Variants in TYW1 observed in about 807,000 individuals in gnomAD.
TYW1 encodes tRNA-yW synthesizing protein 1 homolog.
TYW1 carries 46 observed loss-of-function variants against 96.2 expected under a neutral mutation model. That is an observed-to-expected ratio of 0.48 (90% CI 0.38 to 0.61). The LOEUF (loss-of-function observed/expected upper bound fraction) is 0.61, where lower values mean the gene tolerates loss of function less well. Among genes scored for constraint, TYW1 ranks in the 20% least tolerant of loss-of-function variants. TYW1 has a pLI of 0.00. For synonymous variants in TYW1, 274 were observed against 323.0 expected (o/e 0.85, Z 1.63); for missense variants, 684 against 909.6 (o/e 0.75, Z 3.19).
chr7:67,211,791 C>T (rs957385818), intron 15 of TYW1, among the ~76,000 whole-genome samples: 3 of 152,206 alleles, frequency 2.0e-5, no homozygotes, highest in African/African-American at 7.2e-5. Context: ...CCCTGGAGCA[C>T]AGCGCTATGT....
At chr7:67,219,075 C>A (rs1434833446) in intron 15 of TYW1, among the ~76,000 whole-genome samples, 1 of 152,126 alleles carries the variant, frequency 6.6e-6, no homozygotes, top group Non-Finnish European at 1.5e-5. Flanking sequence ...AGATAGTTTC[C>A]AGCTATTCCT....
intron 10 of TYW1, among the ~76,000 whole-genome samples, chr7:67,073,215 C>T (rs1050827380): frequency 6.6e-6 from 1 of 152,076 alleles, no homozygotes; most frequent in African/African-American, 2.4e-5. Context: ...ATTGCTATTT[C>T]TTGTCCCATA....
intron 11 of TYW1, among the ~76,000 whole-genome samples, chr7:67,094,478 A>G (rs1342992974): frequency 5.9e-5 from 9 of 152,308 alleles, no homozygotes; most frequent in Middle Eastern, 3.4e-3. Context: ...ATCCATGCCA[A>G]TTCTGTTGTT....
intron 6 of TYW1, among the ~76,000 whole-genome samples, chr7:67,019,397 C>T (rs992073578): frequency 6.6e-6 from 1 of 152,096 alleles, no homozygotes; most frequent in Non-Finnish European, 1.5e-5. Context: ...GGGGTTTCAT[C>T]ATGTTGGTTA....
At chr7:67,184,831 C>T (rs1285984313) in intron 14 of TYW1, among the ~76,000 whole-genome samples, 1 of 151,588 alleles carries the variant, frequency 6.6e-6, no homozygotes, top group African/African-American at 2.4e-5. Context: ...CCTCAGCCTC[C>T]CAAGTAGCTG....
rs1351739290 is a variant in TYW1, at chr7:67,216,789, A to C, written c.1977+21452A>C. On this transcript the variant is annotated intron_variant, in intron 15 of 15. Coordinates refer to ENST00000359626, the MANE Select transcript of TYW1 (RefSeq NM_018264.4). Reference sequence around the variant, plus strand: ...CCCTATAGAACTTTTCTTGTCATTGAGATCTAAGTTTGTTACAATTTCCAT... The same window carrying C: ...CCCTATAGAACTTTTCTTGTCATTGCGATCTAAGTTTGTTACAATTTCCAT... Among the ~76,000 whole-genome samples the C allele has an allele frequency of 2.7e-5, 4 of 150,830 alleles. No homozygotes were observed. In the East Asian group the frequency reaches 7.7e-4, roughly 29 times the overall value.
At chr7:67,220,201 A>ATTTTTTTTTTTTTTTTTTTTTTT in intron 15 of TYW1, among the ~76,000 whole-genome samples, 1 of 93,170 alleles carries the variant, frequency 1.1e-5, no homozygotes, top group Non-Finnish European at 2.0e-5. Context: ...TCATTTATTG[A>ATTTTTTTTTTTTTTTTTTTTTTT]TTTTTTTTTT....
intron 7 of TYW1, among the ~76,000 whole-genome samples, chr7:67,048,978 C>T (rs1266539501): frequency 6.6e-6 from 1 of 152,234 alleles, no homozygotes; most frequent in Non-Finnish European, 1.5e-5. Flanking sequence ...CGTGCCATTG[C>T]ACTCTGGCCT....
intron 1 of TYW1, among the ~76,000 whole-genome samples, 168 bp downstream of exon 1, chr7:66,997,150 T>C (rs1793195011): frequency 2.6e-5 from 4 of 152,274 alleles, no homozygotes; most frequent in Non-Finnish European, 4.4e-5. Context: ...ATCCCTACTT[T>C]TGACCTGGCT....
At chr7:67,022,053 G>A (rs1168733359) in intron 6 of TYW1, among the ~76,000 whole-genome samples, 2 of 152,120 alleles carry the variant, frequency 1.3e-5, no homozygotes, top group Non-Finnish European at 2.9e-5. Context: ...TGGGCCTACA[G>A]GCATGCACCA....
intron 13 of TYW1, among the ~76,000 whole-genome samples, chr7:67,162,288 TG>T (rs1352952304): frequency 6.1e-5 from 8 of 131,930 alleles, no homozygotes; most frequent in Non-Finnish European, 1.2e-4. Flanking sequence ...CACTCCAGCC[TG>T]GGTGACAGAG....
At chr7:67,078,338 T>TC (rs879770406) in intron 10 of TYW1, among the ~76,000 whole-genome samples, 2 of 152,084 alleles carry the variant, frequency 1.3e-5, no homozygotes, top group Non-Finnish European at 2.9e-5. Flanking sequence ...TTTGTGATCC[T>TC]CCTGCCTCAG....
At chr7:67,033,568 A>G (rs887401351) in intron 7 of TYW1, among the ~76,000 whole-genome samples, 42 of 152,312 alleles carry the variant, frequency 2.8e-4, no homozygotes, top group African/African-American at 1.0e-3. Context: ...AGCTCCCTGT[A>G]GCCTCTCTCC....
chr7:67,064,940 T>A (rs1584517629), intron 9 of TYW1, among the ~76,000 whole-genome samples: 1 of 152,220 alleles, frequency 6.6e-6, no homozygotes, highest in Non-Finnish European at 1.5e-5. Context: ...AAAAATTAAT[T>A]CAAAATGGAT....
At chr7:67,006,074 G>T (rs1248784619) in intron 3 of TYW1, among the ~76,000 whole-genome samples, 2 of 152,090 alleles carry the variant, frequency 1.3e-5, no homozygotes, top group African/African-American at 4.8e-5. Flanking sequence ...TTGGATCTGT[G>T]TCCCCACCAA....
At chr7:67,152,262 T>C (rs1403893036) in intron 13 of TYW1, among the ~76,000 whole-genome samples, 2 of 152,176 alleles carry the variant, frequency 1.3e-5, no homozygotes, top group Non-Finnish European at 2.9e-5. Flanking sequence ...ACCCCTGGAT[T>C]AGACTCACCA....
At chr7:67,125,391 ATTT>A (rs35830565) in intron 13 of TYW1, among the ~76,000 whole-genome samples, 1 of 147,334 alleles carries the variant, frequency 6.8e-6, no homozygotes, top group African/African-American at 2.5e-5. Flanking sequence ...GGGGGTCTGG[ATTT>A]TTTTTTTTAA....
At chr7:67,135,043 C>G (rs576022251) in intron 13 of TYW1, among the ~76,000 whole-genome samples, 1 of 150,800 alleles carries the variant, frequency 6.6e-6, no homozygotes, top group South Asian at 2.1e-4. Context: ...ATCAGTTGAG[C>G]TCAAGAGGCC....
rs1388432409 is a variant in TYW1 at position 67,029,411 on chromosome 7, G to GTATATATATATATA, written c.984+4390_984+4391insATATATATATATAT. On this transcript the variant is annotated intron_variant, in intron 7 of 15. Coordinates refer to ENST00000359626, the MANE Select transcript of TYW1 (RefSeq NM_018264.4). ...TGTGTGTGTGTGTGTGTGTGTGTGT[G>GTATATATATATATA]TGTGTATATATATATATATATAAAT... Among the ~76,000 whole-genome samples the GTATATATATATATA allele has an allele frequency of 3.7e-5, 4 of 106,944 alleles. No individual in the cohort carries two copies. The Admixed American group carries it at 4.3e-4, about 12-fold the overall frequency. The allele number at this position is 106,944 out of a possible 152,430, so 70.2% of individuals were successfully genotyped here. A position where few individuals can be genotyped will look rare whatever the true frequency, so the allele number is the denominator to read the frequency against.
Sources: gnomAD v4.1 joint callset for allele counts (sites outside exome capture counted in the v4.1 genomes callset) on GRCh38, gnomAD v4.1.1 for gene constraint, MANE v1.5 for transcripts, NCBI Gene and HGNC (gene_info 2026-07-23, HGNC 2026-07-21) for gene names.